NMT2: variants seen among roughly 807,000 people sequenced by gnomAD.
NMT2 encodes glycylpeptide N-tetradecanoyltransferase 2.
Under a neutral mutation model 65.4 loss-of-function variants are expected in NMT2, and 35 were observed. The observed-to-expected ratio is 0.54, with a 90% CI of 0.41 to 0.71. The LOEUF is 0.71. NMT2 is among the 30% of genes least tolerant of loss of function. The pLI is 0.00. For missense variants in NMT2, 489 were observed against 611.3 expected, an observed-to-expected ratio of 0.80 and a Z score of 2.11; for synonymous variants, 226 against 231.8, an observed-to-expected ratio of 0.98 and a Z score of 0.23.
chr10:15,144,782 C>A (rs1244134396), intron 1 of NMT2, among the ~76,000 whole-genome samples: 1 of 151,708 alleles, frequency 6.6e-6, no homozygotes, highest in East Asian at 1.9e-4. Flanking sequence ...GACGCTGGAA[C>A]CCTCATACAC....
At position 15,109,719 on chromosome 10, in the gene NMT2, C is replaced by G; in HGVS notation, c.1459G>C (p.Gly487Arg). ...TCACTTACCTTTTCAGAATCTGTAC[C>G]TGGACACCTCCAATTGTACAGGTAA... is the stretch of plus-strand genomic sequence containing the variant. ...QYYLYNWRCP[G>R]TDSEKVGLVL... Residue 487 changes from glycine (G) to arginine (R), a missense_variant, in exon 11 of 12, where the codon GGT becomes CGT. Physicochemically the swap from Gly to Arg is moderately radical, Grantham distance 125. Coordinates refer to ENST00000378165, the MANE Select transcript of NMT2 (RefSeq NM_004808.3). The G allele has an allele frequency of 6.2e-7, 1 of 1,611,178 alleles. No homozygotes were observed. The highest frequency in any genetic ancestry group is 8.5e-7 in the Non-Finnish European group (1 of 1,179,080).
At position 15,128,363 on chromosome 10, in the gene NMT2, T is replaced by C; in HGVS notation, c.986A>G (p.Tyr329Cys). 6.3e-7 allele frequency: 1 copy of C among 1,579,406 alleles called. No individual in the cohort carries two copies. The change falls in exon 8 of 12, where the codon TAC (tyrosine) becomes TGC (cysteine). Residue 329 changes from tyrosine (Y) to cysteine (C), a missense_variant. Physicochemically the swap from Tyr to Cys is radical, Grantham distance 194 (BLOSUM62 -2). Transcript: ENST00000378165. The stretch of plus-strand genomic sequence containing the variant: ...ATTCTTACTTACATCTGGAAGTCTG[T>C]ATAGCTTCATTGTTCTCTGTAAAGT... ...NMTLQRTMKL[Y>C]RLPDVTKTSG...
At chr10:15,149,174 TCACCAC>T (rs1452982848) in intron 1 of NMT2, among the ~76,000 whole-genome samples, 3 of 148,458 alleles carry the variant, frequency 2.0e-5, no homozygotes, top group Non-Finnish European at 4.5e-5. Flanking sequence ...ACTGCCGCCA[TCACCAC>T]CACCACTGCC....
intron 8 of NMT2, among the ~76,000 whole-genome samples, chr10:15,125,492 T>G (rs1400741293): frequency 6.6e-6 from 1 of 152,236 alleles, no homozygotes; most frequent in Non-Finnish European, 1.5e-5. Context: ...TTCACTCCAT[T>G]GTAGGCAACC....
intron 2 of NMT2, among the ~76,000 whole-genome samples, chr10:15,135,717 G>A (rs1001288256): frequency 2.0e-5 from 3 of 152,144 alleles, no homozygotes; most frequent in Non-Finnish European, 4.4e-5. Context: ...TTACTCCTCT[G>A]GGGGAGACGT....
In NMT2 at chr10:15,108,348, G is replaced by A. The variant is rs564989826; in HGVS notation, c.*847C>T. 36 of 484,386 alleles carry A rather than the reference G, an allele frequency of 7.4e-5. No individual in the cohort carries two copies. The highest frequency in any genetic ancestry group is 5.0e-4 in the African/African-American group (24 of 47,536). The allele number at this position is 484,386 out of a possible 1,614,324, so 30.0% of individuals were successfully genotyped here. ...ACTACAGGCACACGCCACCACGCCC[G>A]GCTAATTTTTGTATTTTTAGTAGAG... On this transcript the variant is annotated 3_prime_UTR_variant, in exon 12 of 12. Coordinates refer to ENST00000378165, the MANE Select transcript of NMT2 (RefSeq NM_004808.3).
chr10:15,166,191 A>C (rs920075835), intron 1 of NMT2, among the ~76,000 whole-genome samples: 17 of 152,234 alleles, frequency 1.1e-4, no homozygotes, highest in Non-Finnish European at 2.4e-4. Context: ...TAAAAGGACT[A>C]GTAAATACAT....
intron 1 of NMT2, among the ~76,000 whole-genome samples, chr10:15,157,051 C>T (rs1833027254): frequency 6.6e-6 from 1 of 152,018 alleles, no homozygotes; most frequent in South Asian, 2.1e-4. Context: ...CCCTGCCCTC[C>T]CAAAAAAAGA....
intron 9 of NMT2, among the ~76,000 whole-genome samples, chr10:15,115,377 T>A (rs1239452495): frequency 6.6e-6 from 1 of 152,190 alleles, no homozygotes; most frequent in South Asian, 2.1e-4. Context: ...AAGTAATAAA[T>A]GTTGTTACCA....
chr10:15,143,636 C>A (rs542510446), intron 1 of NMT2, among the ~76,000 whole-genome samples: 1 of 152,320 alleles, frequency 6.6e-6, no homozygotes, highest in Admixed American at 6.5e-5. Flanking sequence ...GCGGGAAGAT[C>A]GCTTGAGCCT....
chr10:15,149,447 G>GATCACCATGATCACCA (rs1847086139), intron 1 of NMT2, among the ~76,000 whole-genome samples: 1 of 106 alleles, frequency 9.4e-3, no homozygotes, highest in Non-Finnish European at 0.016. Context: ...CATCACCACC[G>GATCACCATGATCACCA]CCATCATCAC....
At chr10:15,130,499 G>C (rs190969308) in intron 6 of NMT2, among the ~76,000 whole-genome samples, 187 bp from the exon 7 acceptor site, 2 of 151,888 alleles carry the variant, frequency 1.3e-5, no homozygotes, top group Admixed American at 1.3e-4. Context: ...TTGAGACCAG[G>C]AGTTCCAGAC....
chr10:15,163,058 C>CGCAT (rs1833255880), intron 1 of NMT2, among the ~76,000 whole-genome samples: 1 of 151,842 alleles, frequency 6.6e-6, no homozygotes, highest in Non-Finnish European at 1.5e-5. Flanking sequence ...TGGAACTATA[C>CGCAT]GCATGCACCA....
Position 15,141,516 on chromosome 10 carries a change from T to C in NMT2, c.152A>G (p.Lys51Arg), listed in dbSNP as rs768734366. 1 of 1,614,172 alleles carries C rather than the reference T, an allele frequency of 6.2e-7. No homozygotes were observed. The highest frequency in any genetic ancestry group is 8.5e-7 in the Non-Finnish European group (1 of 1,180,008). Residue 51 changes from lysine to arginine, a missense_variant, in exon 2 of 12, where the codon AAA becomes AGA. Coordinates refer to ENST00000378165, the MANE Select transcript of NMT2 (RefSeq NM_004808.3). ...GYLGAKKKKK[K>R]QKRKKEKPNS... ...TGGTTTCTCCTTTTTTCTCTTCTGT[T>C]TCTTCTTTTTCTTTTTGGCTCCCAA...
intron 1 of NMT2, among the ~76,000 whole-genome samples, chr10:15,162,762 T>A (rs1412257760): frequency 1.4e-5 from 2 of 147,812 alleles, no homozygotes; most frequent in African/African-American, 2.5e-5. Context: ...ATATATATAT[T>A]TTATTTATAT....
In NMT2 at chr10:15,108,993, C is replaced by T. The variant is rs1845412099; in HGVS notation, c.*202G>A. 3.7e-6 allele frequency: 5 copies of T among 1,351,634 alleles called. No homozygotes were observed. Among genetic ancestry groups the T allele is most frequent in the African/African-American group, 1.5e-5 (1 of 65,712 alleles). 83.7% of individuals were successfully genotyped at this position (1,351,634 alleles called of 1,614,324 possible). A position where few individuals can be genotyped will look rare whatever the true frequency, so the allele number is the denominator to read the frequency against. On this transcript the variant is annotated 3_prime_UTR_variant, in exon 12 of 12. Coordinates refer to ENST00000378165, the MANE Select transcript of NMT2 (RefSeq NM_004808.3). ...CCTTTCATCCCTCCCACAAATAGGT[C>T]AACAGTAAAAAAAGGATGAAGTTTA...
At chr10:15,166,597 T>C (rs914421295) in intron 1 of NMT2, among the ~76,000 whole-genome samples, 3 of 152,228 alleles carry the variant, frequency 2.0e-5, no homozygotes, top group African/African-American at 7.2e-5. Flanking sequence ...CTAATCTCCT[T>C]ACATTTAAAT....
At chr10:15,160,718 GAGCAAAGATGACGACACTGC>G (rs1833158970) in intron 1 of NMT2, among the ~76,000 whole-genome samples, 1 of 152,028 alleles carries the variant, frequency 6.6e-6, no homozygotes, top group African/African-American at 2.4e-5. Flanking sequence ...ACGTTGCAGT[GAGCAAAGATGACGACACTGC>G]ACTCCAGCCT....
At chr10:15,113,420 A>C (rs916589747) in intron 9 of NMT2, among the ~76,000 whole-genome samples, 2 of 142,782 alleles carry the variant, frequency 1.4e-5, no homozygotes, top group Non-Finnish European at 1.5e-5. Flanking sequence ...CAGTGAGCCA[A>C]GATTGTGTCA....
Sources: allele counts gnomAD v4.1 joint callset (sites outside exome capture counted in the v4.1 genomes callset), GRCh38; gene constraint gnomAD v4.1.1; transcripts MANE v1.5; gene names NCBI Gene and HGNC (gene_info 2026-07-23, HGNC 2026-07-21).